Variants in KLHL5 observed in about 807,000 individuals in gnomAD.
KLHL5 encodes the protein kelch like family member 5.
In KLHL5, 48 loss-of-function variants were observed where a neutral mutation model predicts 77.7. The ratio of observed to expected loss-of-function variants is 0.62; its 90% CI spans 0.49 to 0.79. The LOEUF (loss-of-function observed/expected upper bound fraction) is 0.79, where lower values mean the gene tolerates loss of function less well. Among genes scored for constraint, KLHL5 ranks in the 30% least tolerant of loss-of-function variants. The pLI is 0.00. For missense variants in KLHL5, 723 were observed against 859.7 expected (o/e 0.84, Z 1.99); for synonymous variants, 260 against 297.0 (o/e 0.88, Z 1.28).
rs576664510 is a variant in KLHL5, at chr4:39,081,314, A to G, written c.703+75A>G. 4.6e-6 allele frequency: 6 copies of G among 1,304,276 alleles called. No individual in the cohort carries two copies. The highest frequency in any genetic ancestry group is 6.3e-6 in the Non-Finnish European group (6 of 957,662). The allele number at this position is 1,304,276 out of a possible 1,614,324, so 80.8% of individuals were successfully genotyped here. On this transcript the variant is annotated intron_variant, in intron 3 of 10. Transcript: ENST00000504108. The surrounding 1 kb of genome is among the most constrained non-coding windows in gnomAD (Gnocchi z 4.3). ...TATTAGATTTCAGATTTCTGTTTTT[A>G]GAAAGCATGCCATAGCTAACAGTTA...
At chr4:39,094,750 T>C (rs1025675418) in intron 5 of KLHL5, among the ~76,000 whole-genome samples, 2 of 152,016 alleles carry the variant, frequency 1.3e-5, no homozygotes, top group Non-Finnish European at 2.9e-5. Flanking sequence ...TCAATTCAGC[T>C]GGAAATGGAG....
intron 10 of KLHL5, chr4:39,115,615 T>A (rs3733278): frequency 0.57 from 798,408 of 1,397,958 alleles, 230,062 homozygotes; most frequent in Admixed American, 0.6. Flanking sequence ...ATAGGACTAC[T>A]GGAGGGCTGC....
intron 1 of KLHL5, among the ~76,000 whole-genome samples, chr4:39,072,219 C>T (rs1377933699): frequency 1.4e-5 from 2 of 146,140 alleles, no homozygotes; most frequent in Non-Finnish European, 2.9e-5. Flanking sequence ...TCCCATTGGC[C>T]ACTGAAAAGC....
In KLHL5 at chr4:39,096,702, A is replaced by T. The variant is rs1401548202; in HGVS notation, c.1124A>T (p.Asp375Val). 1 of 1,610,950 alleles carries T rather than the reference A, an allele frequency of 6.2e-7. No individual in the cohort carries two copies. The highest frequency in any genetic ancestry group is 1.7e-5 in the Admixed American group (1 of 59,958). ...LPLLAPQFLA[D>V]MENNVLFRDD... ...ACTATTCTTTTCTAGTTCCTGGCAG[A>T]CATGGAAAATAATGTACTTTTTCGG... Residue 375 changes from aspartate (D) to valine (V), a missense_variant, in exon 6 of 11, where the codon GAC becomes GTC. Asp to Val is a radical substitution (Grantham distance 152). Coordinates refer to ENST00000504108, the MANE Select transcript of KLHL5 (RefSeq NM_015990.5).
chr4:39,076,468 T>A (rs1429764313), intron 2 of KLHL5, among the ~76,000 whole-genome samples: 1 of 152,110 alleles, frequency 6.6e-6, no homozygotes, highest in Non-Finnish European at 1.5e-5. Flanking sequence ...TCAGTGGCAA[T>A]TAAAGTTTGT....
Position 39,076,150 on chromosome 4 carries a change from A to T in KLHL5, c.566+3A>T. 6.3e-7 allele frequency: 1 copy of T among 1,599,906 alleles called. No individual in the cohort carries two copies. The highest frequency in any genetic ancestry group is 8.5e-7 in the Non-Finnish European group (1 of 1,176,534). ...GATCGCAGAATTCCAGCTCACAGGT[A>T]GTTGTTTTCTATATTTCTGTATGTG... On this transcript the variant is annotated splice_donor_region_variant and intron_variant, in intron 2 of 10. Transcript: ENST00000504108.
downstream of KLHL5, among the ~76,000 whole-genome samples, chr4:39,127,721 T>C (rs1413078181): frequency 1.3e-5 from 2 of 152,074 alleles, no homozygotes; most frequent in Non-Finnish European, 2.9e-5. Context: ...CGCCTCCTCT[T>C]CCCAAAGTGC....
At chr4:39,044,840 C>G, upstream of KLHL5, 1 of 544,322 alleles carries the variant, frequency 1.8e-6, no homozygotes, top group South Asian at 7.9e-5. Context: ...CGGTCCCCTA[C>G]CCCCACCTAC....
rs1406356879 is a variant in KLHL5 at position 39,125,342 on chromosome 4, A to G, written c.*4276A>G. Among the ~76,000 whole-genome samples, 2 of 152,336 alleles carry G rather than the reference A, an allele frequency of 1.3e-5. No individual in the cohort carries two copies. Among genetic ancestry groups the G allele is most frequent in the African/African-American group, 4.8e-5 (2 of 41,590 alleles). On this transcript the variant is annotated 3_prime_UTR_variant, in exon 11 of 11. Coordinates refer to ENST00000504108, the MANE Select transcript of KLHL5 (RefSeq NM_015990.5). ...TGACCCAGCAAGTCCACTCCTGGGC[A>G]TATACTGAAAAGAACTGAAAACAGG...
chr4:39,120,904 A>C, intron 10 of KLHL5, 106 bp from the exon 11 acceptor site: 1 of 874,494 alleles, frequency 1.1e-6, no homozygotes. Flanking sequence ...CCAGGGCAAC[A>C]ACCCTTTGCC....
chr4:39,111,213 A>C (rs1166118164), intron 8 of KLHL5, among the ~76,000 whole-genome samples: 1 of 152,138 alleles, frequency 6.6e-6, no homozygotes, highest in Non-Finnish European at 1.5e-5. Context: ...TTTCTCTGTA[A>C]ATGTTTATGC....
chr4:39,083,225 AT>A (rs1719773700), intron 4 of KLHL5, among the ~76,000 whole-genome samples: 1 of 152,234 alleles, frequency 6.6e-6, no homozygotes, highest in Non-Finnish European at 1.5e-5. Context: ...GGCAAGATCA[AT>A]TCTGTCTACT....
downstream of KLHL5, among the ~76,000 whole-genome samples, chr4:39,131,082 G>C (rs1380132556): frequency 6.6e-6 from 1 of 150,414 alleles, no homozygotes; most frequent in Non-Finnish European, 1.5e-5. Flanking sequence ...AGAACTCCTG[G>C]ACTCAAGAGA....
rs114588911 is a variant in KLHL5, at chr4:39,089,620, C to T, written c.1113+2893C>T. Among the ~76,000 whole-genome samples, 1,389 of 152,204 alleles carry T rather than the reference C, an allele frequency of 9.1e-3. 24 individuals are homozygous for T. The highest frequency in any genetic ancestry group is 0.034 in the Middle Eastern group (10 of 294). ...AATTGATGTCACACTTGAAAAAGGACGAAGTTTTATCATCATCCTTTGCTA... is the reference window on the plus strand; with the variant it reads ...AATTGATGTCACACTTGAAAAAGGATGAAGTTTTATCATCATCCTTTGCTA... On this transcript the variant is annotated intron_variant, in intron 5 of 10. Transcript: ENST00000504108.
At chr4:39,092,109 CA>C (rs1368050851) in intron 5 of KLHL5, among the ~76,000 whole-genome samples, 2 of 152,054 alleles carry the variant, frequency 1.3e-5, no homozygotes, top group Non-Finnish European at 2.9e-5. Context: ...TAAAAATTTA[CA>C]AAATGAAAAT....
intron 4 of KLHL5, among the ~76,000 whole-genome samples, chr4:39,085,814 A>G (rs1719986912): frequency 6.6e-6 from 1 of 152,208 alleles, no homozygotes; most frequent in Admixed American, 6.6e-5. Flanking sequence ...TGAGACCAAA[A>G]GAGCTTTGTA....
chr4:39,103,461 C>T lies in KLHL5; in HGVS notation c.1475C>T (p.Thr492Ile). The T allele has an allele frequency of 1.2e-6, 2 of 1,614,158 alleles. No homozygotes were observed. Among genetic ancestry groups the T allele is most frequent in the African/African-American group, 1.3e-5 (1 of 75,034 alleles). Residue 492 changes from threonine (T) to isoleucine (I), a missense_variant, in exon 7 of 11, where the codon ACA becomes ATA. By Grantham distance (89) the Thr-to-Ile change is moderately conservative. Transcript: ENST00000504108. Reference sequence around the variant, plus strand: ...ACTGTAGAGTGCTACAACCCCAAAACAAAAACTTGGAGTGTGATGCCACCT... The same window carrying T: ...ACTGTAGAGTGCTACAACCCCAAAATAAAAACTTGGAGTGTGATGCCACCT... The part of the protein sequence containing the change: ...LNTVECYNPK[T>I]KTWSVMPPMS...
chr4:39,090,708 C>T (rs1720453394), intron 5 of KLHL5, among the ~76,000 whole-genome samples: 1 of 152,218 alleles, frequency 6.6e-6, no homozygotes, highest in Middle Eastern at 3.4e-3. Flanking sequence ...CTCGGCCTCC[C>T]AAAATGCTGG....
chr4:39,062,446 A>C lies in KLHL5; in HGVS notation c.-207A>C, dbSNP rs955707811. 24 of 1,537,550 alleles carry C rather than the reference A, an allele frequency of 1.6e-5. No individual in the cohort carries two copies. In the African/African-American group the frequency reaches 2.6e-4, roughly 17 times the overall value. ...TGAACGGAATGTTCCACCGTGTTTC[A>C]TCTTTATTCATTATCCTTTGTTCTT... On this transcript the variant is annotated 5_prime_UTR_variant, in exon 1 of 11. Coordinates refer to ENST00000504108, the MANE Select transcript of KLHL5 (RefSeq NM_015990.5).
Sources: allele counts gnomAD v4.1 joint callset (sites outside exome capture counted in the v4.1 genomes callset), GRCh38; gene constraint gnomAD v4.1.1; non-coding constraint Gnocchi (gnomAD v3.1); transcripts MANE v1.5; gene names NCBI Gene and HGNC (gene_info 2026-07-23, HGNC 2026-07-21).